DBT: variants seen among roughly 807,000 people sequenced by gnomAD.
DBT encodes the protein dihydrolipoamide branched chain transacylase E2.
In DBT, 40 loss-of-function variants were observed where a neutral mutation model predicts 51.3. The ratio of observed to expected loss-of-function variants is 0.78; its 90% CI spans 0.61 to 1.02. The LOEUF (loss-of-function observed/expected upper bound fraction) is 1.02. DBT is among the 50% of genes least tolerant of loss of function. The pLI is 0.00. For synonymous variants in DBT, 181 were observed against 190.4 expected, an observed-to-expected ratio of 0.95 and a Z score of 0.41; for missense variants, 510 against 580.2, an observed-to-expected ratio of 0.88 and a Z score of 1.24.
chr1:100,194,799 T>A lies in DBT; in HGVS notation c.*1456A>T, dbSNP rs1360977080. On this transcript the variant is annotated 3_prime_UTR_variant, in exon 11 of 11. Transcript: ENST00000370132. ...TGGCTGATTTATTCTTTCCTGATTT[T>A]AAAATTATTTCCATTTTGAGAAAAA... 1.3e-5 allele frequency: 2 copies of A among 152,172 alleles called. No individual in the cohort carries two copies. The highest frequency in any genetic ancestry group is 4.8e-5 in the African/African-American group (2 of 41,460). The allele number at this position is 152,172 out of a possible 1,614,324, so 9.4% of individuals were successfully genotyped here.
intron 1 of DBT, among the ~76,000 whole-genome samples, chr1:100,248,663 A>T (rs1664705048): frequency 6.6e-6 from 1 of 152,220 alleles, no homozygotes; most frequent in Non-Finnish European, 1.5e-5. Context: ...AAGAAAGAAT[A>T]ATATTGGGAA....
In DBT at chr1:100,188,830, ACT is replaced by A. The variant is rs1322254971; in HGVS notation, c.*7423_*7424del. 3 of 151,580 alleles carry A rather than the reference ACT, an allele frequency of 2.0e-5. No individual in the cohort carries two copies. Among genetic ancestry groups the A allele is most frequent in the African/African-American group, 7.3e-5 (3 of 41,136 alleles). 9.4% of individuals were successfully genotyped at this position (151,580 alleles called of 1,614,324 possible). A position where few individuals can be genotyped will look rare whatever the true frequency, so the allele number is the denominator to read the frequency against. ...AGTTGTTTCTGTGGCTCTCCTCTGG[ACT>A]CTCTCCAAATTCTCCTGCTCAGTTT... On this transcript the variant is annotated 3_prime_UTR_variant, in exon 11 of 11. Transcript: ENST00000370132.
At chr1:100,230,163 T>C (rs1663457939) in intron 4 of DBT, among the ~76,000 whole-genome samples, 1 of 152,330 alleles carries the variant, frequency 6.6e-6, no homozygotes, top group Non-Finnish European at 1.5e-5. Context: ...AGAGAGCTTG[T>C]TGCCTCTTTG....
chr1:100,241,831 C>T lies in DBT; in HGVS notation c.52-947G>A, dbSNP rs374280355. Among the ~76,000 whole-genome samples, 12 of 152,194 alleles carry T rather than the reference C, an allele frequency of 7.9e-5. No homozygotes were observed. In the South Asian group the frequency reaches 1.9e-3, roughly 24 times the overall value. On this transcript the variant is annotated intron_variant, in intron 1 of 10. Coordinates refer to ENST00000370132, the MANE Select transcript of DBT (RefSeq NM_001918.5). ...AGGGAGTTAAAGAGACCAGCCTGGCCGATATGGTGAAACCCTGTCTCTACT... is the reference window on the plus strand; with the variant it reads ...AGGGAGTTAAAGAGACCAGCCTGGCTGATATGGTGAAACCCTGTCTCTACT...
intron 8 of DBT, among the ~76,000 whole-genome samples, chr1:100,207,892 G>A (rs889170930): frequency 6.6e-6 from 1 of 152,090 alleles, no homozygotes; most frequent in African/African-American, 2.4e-5. Flanking sequence ...CGGCACTTTG[G>A]GAGGCCGAGG....
At chr1:100,198,335 C>T (rs774853678) in intron 10 of DBT, among the ~76,000 whole-genome samples, 3 of 152,074 alleles carry the variant, frequency 2.0e-5, no homozygotes, top group Non-Finnish European at 4.4e-5. Context: ...TTACCAAAGG[C>T]TGGGGAAATG....
intron 8 of DBT, among the ~76,000 whole-genome samples, chr1:100,208,185 T>A (rs1454659556): frequency 2.0e-5 from 3 of 152,012 alleles, no homozygotes; most frequent in African/African-American, 7.3e-5. Context: ...TGCACAAAAA[T>A]GTTAAAAATA....
At position 100,210,355 on chromosome 1, in the gene DBT, T is replaced by G. The variant is rs577510542; in HGVS notation, c.1017+339A>C. 4.3e-3 allele frequency among the ~76,000 whole-genome samples: 635 copies of G among 147,962 alleles called. 4 individuals carry two copies. Among genetic ancestry groups the G allele is most frequent in the African/African-American group, 0.013 (549 of 40,830 alleles). Reference sequence around the variant, plus strand: ...AGAAGAAGAAGAAGAAGAATAAGAATAATAATATTAAAATTCCAGGAATTC... The same window carrying G: ...AGAAGAAGAAGAAGAAGAATAAGAAGAATAATATTAAAATTCCAGGAATTC... On this transcript the variant is annotated intron_variant, in intron 8 of 10. Transcript: ENST00000370132.
intron 7 of DBT, among the ~76,000 whole-genome samples, chr1:100,211,725 T>C (rs1344246804): frequency 6.6e-6 from 1 of 152,190 alleles, no homozygotes; most frequent in Non-Finnish European, 1.5e-5. Context: ...AAGAAAAATA[T>C]AATTAAAAGA....
chr1:100,248,426 CTG>C (rs551758020), intron 1 of DBT, among the ~76,000 whole-genome samples: 3 of 152,148 alleles, frequency 2.0e-5, no homozygotes, highest in Non-Finnish European at 4.4e-5. Context: ...ACATATGAAA[CTG>C]GAGATTTCCA....
intron 10 of DBT, among the ~76,000 whole-genome samples, chr1:100,204,942 T>C (rs1661678135): frequency 6.6e-6 from 1 of 152,294 alleles, no homozygotes; most frequent in East Asian, 1.9e-4. Flanking sequence ...TTACACCTTA[T>C]ACAAAAATTA....
chr1:100,233,137 G>A (rs1427951171), intron 3 of DBT, among the ~76,000 whole-genome samples: 2 of 152,056 alleles, frequency 1.3e-5, no homozygotes, highest in South Asian at 2.1e-4. Context: ...GTGATGGCTC[G>A]CCTGTAATCT....
intron 8 of DBT, among the ~76,000 whole-genome samples, chr1:100,208,862 T>C (rs1220294891): frequency 6.7e-6 from 1 of 148,840 alleles, no homozygotes; most frequent in African/African-American, 2.5e-5. Flanking sequence ...AGCATAGATA[T>C]TCTCTATGGG....
intron 1 of DBT, among the ~76,000 whole-genome samples, chr1:100,241,554 C>G (rs1374712433): frequency 6.6e-6 from 1 of 151,810 alleles, no homozygotes; most frequent in Non-Finnish European, 1.5e-5. Context: ...TGCTACCCCA[C>G]CCAATTAATT....
chr1:100,223,190 C>G (rs963817209), intron 4 of DBT, among the ~76,000 whole-genome samples: 1 of 151,932 alleles, frequency 6.6e-6, no homozygotes, highest in African/African-American at 2.4e-5. Flanking sequence ...ATTTTTAAAA[C>G]AAAATTAATG....
chr1:100,216,388 A>C (rs1662488457), intron 5 of DBT, among the ~76,000 whole-genome samples, 189 bp from the exon 6 acceptor site: 1 of 152,196 alleles, frequency 6.6e-6, no homozygotes, highest in Non-Finnish European at 1.5e-5. Context: ...TGCATGTGGT[A>C]ACCATCAGGT....
chr1:100,208,495 T>C (rs1661931436), intron 8 of DBT, among the ~76,000 whole-genome samples: 1 of 152,222 alleles, frequency 6.6e-6, no homozygotes, highest in Admixed American at 6.5e-5. Context: ...GAGTACACAC[T>C]GTTTATAAGT....
At chr1:100,225,020 C>G (rs1210236013) in intron 4 of DBT, among the ~76,000 whole-genome samples, 1 of 45,810 alleles carries the variant, frequency 2.2e-5, no homozygotes, top group Non-Finnish European at 4.0e-5. Context: ...TCCGTCTCCC[C>G]CCAAAAAAAA....
intron 10 of DBT, among the ~76,000 whole-genome samples, chr1:100,197,970 T>G (rs919521984): frequency 6.6e-6 from 1 of 152,186 alleles, no homozygotes; most frequent in Non-Finnish European, 1.5e-5. Context: ...ATTTCTACTC[T>G]AAGAACTACA....
Sources: gnomAD v4.1 joint callset for allele counts (sites outside exome capture counted in the v4.1 genomes callset) on GRCh38, gnomAD v4.1.1 for gene constraint, MANE v1.5 for transcripts, NCBI Gene and HGNC (gene_info 2026-07-23, HGNC 2026-07-21) for gene names.